Variants in ESF1 observed in about 807,000 individuals in gnomAD.
The protein encoded by ESF1 is ESF1 homolog.
Under a neutral mutation model 92.0 loss-of-function variants are expected in ESF1, and 58 were observed. The ratio of observed to expected loss-of-function variants is 0.63; its 90% CI spans 0.51 to 0.78. The LOEUF (loss-of-function observed/expected upper bound fraction) is 0.78, where lower values mean the gene tolerates loss of function less well. Ranked by LOEUF, ESF1 falls within the 30% of genes least tolerant of loss-of-function variation. The probability of loss-of-function intolerance (pLI) is 0.00; values close to 1 mark genes in which losing one functional copy is unlikely to be tolerated. For synonymous variants in ESF1, 321 were observed against 313.7 expected, an observed-to-expected ratio of 1.02 and a Z score of -0.24; for missense variants, 922 against 989.1, an observed-to-expected ratio of 0.93 and a Z score of 0.91.
intron 11 of ESF1, among the ~76,000 whole-genome samples, chr20:13,725,667 T>A (rs1273855368): frequency 3.3e-5 from 5 of 152,208 alleles, no homozygotes; most frequent in Non-Finnish European, 7.3e-5. Flanking sequence ...CAGTGCCTCA[T>A]GTGGACTTCA....
intron 9 of ESF1, among the ~76,000 whole-genome samples, chr20:13,738,590 C>T (rs902801887): frequency 3.3e-5 from 5 of 152,296 alleles, no homozygotes; most frequent in South Asian, 2.1e-4. Flanking sequence ...GCTGGGATTA[C>T]GGTCATGAGC....
At position 13,759,850 on chromosome 20, in the gene ESF1, T is replaced by A. The variant is rs765964576; in HGVS notation, c.1670A>T (p.Asp557Val). Residue 557 changes from aspartate (D) to valine (V), a missense_variant, in exon 9 of 14, where the codon GAT becomes GTT. Physicochemically the swap from Asp to Val is radical, Grantham distance 152. Transcript: ENST00000617257. ...EEEIEEELQG[D>V]DGVNVEEDGK... is the part of the protein sequence containing the mutation. ...ATCTTCTTCTACATTGACTCCATCATCACCTAATGAAAAAAAAATTCACTT... is the reference window on the plus strand; with the variant it reads ...ATCTTCTTCTACATTGACTCCATCAACACCTAATGAAAAAAAAATTCACTT... The A allele has an allele frequency of 2.5e-6, 4 of 1,585,790 alleles. No individual in the cohort carries two copies. The highest frequency in any genetic ancestry group is 2.6e-6 in the Non-Finnish European group (3 of 1,172,266).
intron 9 of ESF1, among the ~76,000 whole-genome samples, chr20:13,741,208 C>G (rs1036679335): frequency 2.6e-5 from 4 of 152,326 alleles, no homozygotes; most frequent in African/African-American, 4.8e-5. Context: ...GTGGAACTCA[C>G]AGTACATCAT....
At chr20:13,760,823 C>T (rs1401495932) in intron 8 of ESF1, among the ~76,000 whole-genome samples, 1 of 151,990 alleles carries the variant, frequency 6.6e-6, no homozygotes, top group Non-Finnish European at 1.5e-5. Flanking sequence ...TGCCCGGCCG[C>T]CCCTACTGGG....
intron 9 of ESF1, among the ~76,000 whole-genome samples, chr20:13,747,098 T>C (rs1017634967): frequency 6.6e-6 from 1 of 152,122 alleles, no homozygotes; most frequent in Non-Finnish European, 1.5e-5. Context: ...TGTGGCTAAT[T>C]TGTCATCCAC....
intron 9 of ESF1, among the ~76,000 whole-genome samples, chr20:13,751,412 T>G (rs1282935595): frequency 1.3e-5 from 2 of 152,180 alleles, no homozygotes; most frequent in African/African-American, 4.8e-5. Flanking sequence ...GTTTAAGGCA[T>G]AGTTATAAAA....
intron 9 of ESF1, among the ~76,000 whole-genome samples, chr20:13,758,649 G>T (rs2031933): frequency 0.64 from 97,692 of 152,102 alleles, 31,773 homozygotes; most frequent in East Asian, 0.89. Flanking sequence ...TTAAGCAATG[G>T]TATTCCTACA....
chr20:13,728,236 C>T (rs2049915021), intron 11 of ESF1, 142 bp downstream of exon 11: 3 of 604,180 alleles, frequency 5.0e-6, no homozygotes, highest in South Asian at 4.8e-5. Flanking sequence ...GACTGTATGC[C>T]ACAGGACAGA....
intron 7 of ESF1, among the ~76,000 whole-genome samples, chr20:13,769,433 A>G (rs1979580234): frequency 6.6e-6 from 1 of 152,226 alleles, no homozygotes; most frequent in Non-Finnish European, 1.5e-5. Context: ...GTTCACAGAT[A>G]TGGTAGAGGC....
intron 13 of ESF1, among the ~76,000 whole-genome samples, chr20:13,715,387 G>C (rs1419955625): frequency 6.6e-6 from 1 of 151,998 alleles, no homozygotes; most frequent in Non-Finnish European, 1.5e-5. Flanking sequence ...ATCATGCAAG[G>C]ACAATGTATT....
chr20:13,749,469 T>C (rs368918779), intron 9 of ESF1, among the ~76,000 whole-genome samples: 52 of 152,270 alleles, frequency 3.4e-4, no homozygotes, highest in African/African-American at 1.1e-3. Context: ...TCTTTGGGCA[T>C]ACACAGGGTC....
Position 13,757,976 on chromosome 20 carries a change from G to C in ESF1, c.1828+1716C>G, listed in dbSNP as rs191862732. On this transcript the variant is annotated intron_variant, in intron 9 of 13. Coordinates refer to ENST00000617257, the MANE Select transcript of ESF1 (RefSeq NM_001276380.2). ...AAAAGACAGAATTCAACATTTCTTA[G>C]AATCATAAAGTCAAGGGACTCAAGT... is the stretch of plus-strand genomic sequence containing the variant. 2.6e-4 allele frequency among the ~76,000 whole-genome samples: 39 copies of C among 152,220 alleles called. No homozygotes were observed. The East Asian group carries it at 7.5e-3, about 29-fold the overall frequency.
intron 8 of ESF1, chr20:13,762,785 A>G (rs1979257585): frequency 2.7e-6 from 1 of 372,010 alleles, no homozygotes; most frequent in Non-Finnish European, 5.1e-6. Context: ...ATCAATTAAA[A>G]TGTGGAAGAA....
intron 2 of ESF1, among the ~76,000 whole-genome samples, chr20:13,777,582 G>C (rs1318413974): frequency 2.6e-5 from 4 of 152,120 alleles, no homozygotes; most frequent in Non-Finnish European, 4.4e-5. Flanking sequence ...TAAAGACAGA[G>C]AAATAATATT....
chr20:13,767,394 G>C (rs34806363), intron 7 of ESF1, among the ~76,000 whole-genome samples: 25,825 of 151,926 alleles, frequency 0.17, 2,804 homozygotes, highest in Non-Finnish European at 0.24. Context: ...GGTAGCAGGT[G>C]CCTGTAACCC....
chr20:13,767,742 C>T (rs899328999), intron 7 of ESF1, among the ~76,000 whole-genome samples: 1 of 152,150 alleles, frequency 6.6e-6, no homozygotes, highest in African/African-American at 2.4e-5. Flanking sequence ...TACATGAATT[C>T]ATCTATGACA....
At chr20:13,715,993 T>C (rs368395658) in intron 13 of ESF1, among the ~76,000 whole-genome samples, 15 of 152,302 alleles carry the variant, frequency 9.8e-5, no homozygotes, top group African/African-American at 3.6e-4. Context: ...TTGCTTTTCA[T>C]AAGGAAAGTA....
intron 4 of ESF1, among the ~76,000 whole-genome samples, chr20:13,774,725 A>T (rs938004856): frequency 7.2e-5 from 11 of 152,210 alleles, no homozygotes; most frequent in African/African-American, 2.7e-4. Flanking sequence ...CTCAAAATTT[A>T]TGTAAGTTTT....
intron 9 of ESF1, among the ~76,000 whole-genome samples, chr20:13,735,322 A>C (rs1282853372): frequency 6.6e-6 from 1 of 152,170 alleles, no homozygotes; most frequent in African/African-American, 2.4e-5. Context: ...TGCACACTCA[A>C]GGTAACACAG....
Sources: allele counts gnomAD v4.1 joint callset (sites outside exome capture counted in the v4.1 genomes callset), GRCh38; gene constraint gnomAD v4.1.1; transcripts MANE v1.5; gene names NCBI Gene and HGNC (gene_info 2026-07-23, HGNC 2026-07-21).